Variants in NRG3 observed in about 807,000 individuals in gnomAD.
NRG3 encodes the protein pro-neuregulin-3, membrane-bound isoform.
In NRG3, 31 loss-of-function variants were observed where a neutral mutation model predicts 66.9. The ratio of observed to expected loss-of-function variants is 0.46; its 90% CI spans 0.35 to 0.63. NRG3 has a LOEUF of 0.63. NRG3 is among the 20% of genes least tolerant of loss of function. NRG3 has a pLI of 0.00. For missense variants in NRG3, 910 were observed against 878.9 expected (o/e 1.04, Z -0.45); for synonymous variants, 393 against 359.4 (o/e 1.09, Z -1.06).
chr10:82,002,402 A>C (rs1029470514), intron 1 of NRG3, among the ~76,000 whole-genome samples: 1 of 152,138 alleles, frequency 6.6e-6, no homozygotes, highest in African/African-American at 2.4e-5. Flanking sequence ...TGGACCCACT[A>C]TCCACACCTG....
At chr10:82,868,938 C>T (rs546744916) in intron 4 of NRG3, among the ~76,000 whole-genome samples, 1 of 152,214 alleles carries the variant, frequency 6.6e-6, no homozygotes, top group Admixed American at 6.5e-5. Flanking sequence ...GTGATCTGCC[C>T]TCCTCAGCCT....
At chr10:81,890,270 G>A (rs1279313470) in intron 1 of NRG3, among the ~76,000 whole-genome samples, 1 of 152,158 alleles carries the variant, frequency 6.6e-6, no homozygotes, top group African/African-American at 2.4e-5. Flanking sequence ...TTGGCTAGAA[G>A]CAATAGTGGT....
At chr10:82,963,679 C>CA (rs11383204) in intron 6 of NRG3, among the ~76,000 whole-genome samples, 15,496 of 149,870 alleles carry the variant, frequency 0.1, 1,107 homozygotes, top group African/African-American at 0.19. Context: ...GACAACGTCT[C>CA]AAAAAAAAAT....
chr10:82,214,361 A>G (rs1206745094), intron 1 of NRG3, among the ~76,000 whole-genome samples: 1 of 152,058 alleles, frequency 6.6e-6, no homozygotes, highest in East Asian at 1.9e-4. Context: ...CTGCTGTGAC[A>G]TTTGTCCCAG....
intron 1 of NRG3, among the ~76,000 whole-genome samples, chr10:82,153,599 T>C (rs1202637505): frequency 6.6e-6 from 1 of 152,088 alleles, no homozygotes; most frequent in Non-Finnish European, 1.5e-5. Flanking sequence ...TGCTGGATCA[T>C]ATGATAATTC....
chr10:81,950,592 C>G (rs1849263942), intron 1 of NRG3, among the ~76,000 whole-genome samples: 1 of 152,162 alleles, frequency 6.6e-6, no homozygotes, highest in Non-Finnish European at 1.5e-5. Flanking sequence ...TCACACAGAG[C>G]CAAGCCTCAT....
chr10:82,692,259 A>T (rs879918795), intron 2 of NRG3, among the ~76,000 whole-genome samples: 7 of 152,096 alleles, frequency 4.6e-5, no homozygotes, highest in Admixed American at 1.3e-4. Flanking sequence ...CTCAAAAAAA[A>T]AAAAAAAAGT....
chr10:82,090,588 A>G (rs1426919961), intron 1 of NRG3, among the ~76,000 whole-genome samples: 1 of 152,196 alleles, frequency 6.6e-6, no homozygotes, highest in East Asian at 1.9e-4. Context: ...TTGTGCTAGG[A>G]AAGTATTTAC....
intron 3 of NRG3, among the ~76,000 whole-genome samples, chr10:82,776,348 C>T (rs2059911243): frequency 6.6e-6 from 1 of 152,088 alleles, no homozygotes. Flanking sequence ...TGCTGATTTT[C>T]CAATTTTCTC....
At chr10:82,396,863 TA>T (rs1314584019) in intron 2 of NRG3, among the ~76,000 whole-genome samples, 2 of 152,170 alleles carry the variant, frequency 1.3e-5, no homozygotes, top group African/African-American at 4.8e-5. Flanking sequence ...CCTATAAAGG[TA>T]ATAGCAATGC....
chr10:82,860,393 A>T (rs1241783927), intron 3 of NRG3, among the ~76,000 whole-genome samples: 2 of 152,182 alleles, frequency 1.3e-5, no homozygotes, highest in Non-Finnish European at 2.9e-5. Flanking sequence ...ATAATTTTGT[A>T]AAAATTAGCT....
At chr10:82,783,090 A>C (rs559750398) in intron 3 of NRG3, among the ~76,000 whole-genome samples, 2 of 152,356 alleles carry the variant, frequency 1.3e-5, no homozygotes, top group East Asian at 3.9e-4. Flanking sequence ...GCATATAAAC[A>C]GAACCAATGA....
At chr10:82,698,437 C>G (rs1393150361) in intron 2 of NRG3, among the ~76,000 whole-genome samples, 1 of 152,036 alleles carries the variant, frequency 6.6e-6, no homozygotes, top group African/African-American at 2.4e-5. Flanking sequence ...TTTAAATAAT[C>G]CAAAAGATTA....
At chr10:82,132,492 G>T (rs754902564) in intron 1 of NRG3, among the ~76,000 whole-genome samples, 4 of 36,950 alleles carry the variant, frequency 1.1e-4, no homozygotes, top group South Asian at 6.5e-4. Flanking sequence ...ATATATATAT[G>T]ATATATATAT....
intron 2 of NRG3, among the ~76,000 whole-genome samples, chr10:82,482,553 T>C (rs1225148092): frequency 6.6e-6 from 1 of 151,730 alleles, no homozygotes; most frequent in African/African-American, 2.4e-5. Context: ...GCAAGGTCAG[T>C]GCTACACAGA....
chr10:82,649,057 C>T lies in NRG3; in HGVS notation c.954-89520C>T, dbSNP rs370462661. ...AAACTGGAAGCATTCCCTTTGAAAA[C>T]TGGCACAAGACAGGGATGCCCTCTC... is the stretch of plus-strand genomic sequence containing the variant. On this transcript the variant is annotated intron_variant, in intron 2 of 8. Transcript: ENST00000372141. 1.5e-4 allele frequency among the ~76,000 whole-genome samples: 23 copies of T among 152,270 alleles called. No homozygotes were observed. The East Asian group carries it at 4.4e-3, about 29-fold the overall frequency.
intron 2 of NRG3, among the ~76,000 whole-genome samples, chr10:82,704,384 C>T (rs1417597179): frequency 1.3e-5 from 2 of 152,198 alleles, no homozygotes; most frequent in Non-Finnish European, 2.9e-5. Context: ...TTTTGAGGGA[C>T]AGTTGGTAGT....
chr10:82,802,592 G>A (rs916916171), intron 3 of NRG3, among the ~76,000 whole-genome samples: 1 of 152,100 alleles, frequency 6.6e-6, no homozygotes, highest in African/African-American at 2.4e-5. Flanking sequence ...AAATATCAGG[G>A]TTAATGTAGA....
At chr10:82,134,598 G>A (rs2069183332) in intron 1 of NRG3, among the ~76,000 whole-genome samples, 1 of 151,920 alleles carries the variant, frequency 6.6e-6, no homozygotes, top group South Asian at 2.1e-4. Flanking sequence ...TGGACTCTCT[G>A]TTCTGTTCTA....
Sources: allele counts gnomAD v4.1 joint callset (sites outside exome capture counted in the v4.1 genomes callset), GRCh38; gene constraint gnomAD v4.1.1; transcripts MANE v1.5; gene names NCBI Gene and HGNC (gene_info 2026-07-23, HGNC 2026-07-21).